The following FRMD4B variants were observed in gnomAD, a reference collection of about 807,000 sequenced individuals.
FRMD4B encodes the protein FERM domain-containing protein 4B.
FRMD4B carries 74 observed loss-of-function variants against 141.5 expected under a neutral mutation model. The observed-to-expected ratio is 0.52, with a 90% CI of 0.43 to 0.63. The LOEUF is 0.63. Ranked by LOEUF, FRMD4B falls within the 30% of genes least tolerant of loss-of-function variation. FRMD4B has a pLI of 0.00. For synonymous variants in FRMD4B, 506 were observed against 467.9 expected (o/e 1.08, Z -1.05); for missense variants, 1,366 against 1,253.4 (o/e 1.09, Z -1.36).
chr3:69,363,227 AG>A (rs1323153464), intron 1 of FRMD4B, among the ~76,000 whole-genome samples: 1 of 146,050 alleles, frequency 6.8e-6, no homozygotes, highest in East Asian at 2.0e-4. Flanking sequence ...TCCAAAAAAA[AG>A]GATCACTTCT....
chr3:69,455,827 CTG>C (rs1475081943), intron 1 of FRMD4B, among the ~76,000 whole-genome samples: 9 of 152,180 alleles, frequency 5.9e-5, no homozygotes, highest in Non-Finnish European at 1.0e-4. Flanking sequence ...CTGGCTCCCA[CTG>C]TGTGAGTCAA....
At chr3:69,477,943 G>A (rs1706031680) in intron 1 of FRMD4B, among the ~76,000 whole-genome samples, 1 of 152,060 alleles carries the variant, frequency 6.6e-6, no homozygotes, top group Non-Finnish European at 1.5e-5. Flanking sequence ...GAGGGTGTAT[G>A]TGTCCAGGAA....
intron 1 of FRMD4B, among the ~76,000 whole-genome samples, chr3:69,526,658 A>G (rs140601041): frequency 6.6e-6 from 1 of 152,216 alleles, no homozygotes; most frequent in East Asian, 1.9e-4. Context: ...GGCCAATTAT[A>G]CCTACCTTGC....
rs2092707723 is a variant in FRMD4B at position 69,181,493 on chromosome 3, T to C, written c.2257A>G (p.Thr753Ala). Residue 753 changes from threonine to alanine, a missense_variant, in exon 21 of 23, where the codon ACC (threonine) becomes GCC (alanine). Transcript: ENST00000398540. ...CTGGTGCGAGTGTCCAGGGTCTGGG[T>C]GGTGTAATAGGGGCCGGTAACTGGT... ...VTPVTGPYYT[T>A]QTLDTRTRGR... 21 of 1,613,630 alleles carry C rather than the reference T, an allele frequency of 1.3e-5. No individual in the cohort carries two copies. The highest frequency in any genetic ancestry group is 3.3e-5 in the Admixed American group (2 of 59,984).
intron 22 of FRMD4B, among the ~76,000 whole-genome samples, chr3:69,172,651 C>A (rs1320877036): frequency 1.3e-5 from 2 of 152,048 alleles, no homozygotes; most frequent in Non-Finnish European, 2.9e-5. Context: ...TATATGATAT[C>A]CCTGGGGTTT....
intron 5 of FRMD4B, among the ~76,000 whole-genome samples, chr3:69,259,394 T>C (rs1575665579): frequency 6.6e-6 from 1 of 152,218 alleles, no homozygotes; most frequent in Non-Finnish European, 1.5e-5. Context: ...TAACAGGCCA[T>C]GGACTGGTAG....
chr3:69,288,218 G>T (rs926308140), intron 4 of FRMD4B, among the ~76,000 whole-genome samples: 1 of 152,234 alleles, frequency 6.6e-6, no homozygotes, highest in Non-Finnish European at 1.5e-5. Context: ...AGCTGAAGTC[G>T]GCTGAGCAAG....
At chr3:69,258,728 C>A (rs2093508033) in intron 5 of FRMD4B, among the ~76,000 whole-genome samples, 1 of 152,140 alleles carries the variant, frequency 6.6e-6, no homozygotes, top group Non-Finnish European at 1.5e-5. Context: ...CTACTAGGTA[C>A]AAATTATGTC....
At chr3:69,354,320 A>G (rs969437099) in intron 1 of FRMD4B, among the ~76,000 whole-genome samples, 1 of 152,228 alleles carries the variant, frequency 6.6e-6, no homozygotes, top group Non-Finnish European at 1.5e-5. Flanking sequence ...CATATAGAAT[A>G]CTGGAAAAAT....
rs548564809 is a variant in FRMD4B, at chr3:69,169,652, T to C, written c.*2209A>G. On this transcript the variant is annotated 3_prime_UTR_variant, in exon 23 of 23. Coordinates refer to ENST00000398540, the MANE Select transcript of FRMD4B (RefSeq NM_015123.3). ...GATTACAGGTGTGAGCCGCTATGCC[T>C]GGCCCTGAGCTTCCATTTCTATACC... 6.6e-5 allele frequency among the ~76,000 whole-genome samples: 10 copies of C among 152,232 alleles called. No homozygotes were observed. Among genetic ancestry groups the C allele is most frequent in the East Asian group, 5.8e-4 (3 of 5,174 alleles).
chr3:69,292,114 T>C (rs565164072), intron 4 of FRMD4B, among the ~76,000 whole-genome samples: 9 of 152,284 alleles, frequency 5.9e-5, no homozygotes, highest in African/African-American at 1.9e-4. Context: ...GTCAATATGA[T>C]ATAATGCTTT....
intron 1 of FRMD4B, among the ~76,000 whole-genome samples, chr3:69,442,916 T>C (rs185956504): frequency 5.3e-5 from 8 of 152,274 alleles, no homozygotes; most frequent in Admixed American, 1.3e-4. Flanking sequence ...GAATAAGAAA[T>C]CTGTTTGTTC....
intron 2 of FRMD4B, among the ~76,000 whole-genome samples, chr3:69,393,813 T>C (rs888598630): frequency 1.3e-5 from 2 of 152,172 alleles, no homozygotes; most frequent in East Asian, 1.9e-4. Flanking sequence ...TCTCACAATA[T>C]ATATTTTCCC....
chr3:69,312,249 G>A (rs1309250277), intron 2 of FRMD4B, among the ~76,000 whole-genome samples: 2 of 152,166 alleles, frequency 1.3e-5, no homozygotes, highest in Admixed American at 6.5e-5. Context: ...TTGCAGGAGG[G>A]CACTCTGGAT....
At chr3:69,406,831 A>G (rs935830230) in intron 2 of FRMD4B, among the ~76,000 whole-genome samples, 2 of 151,996 alleles carry the variant, frequency 1.3e-5, no homozygotes, top group Non-Finnish European at 2.9e-5. Context: ...CTTCTGGCTT[A>G]AGCACTCCTC....
intron 1 of FRMD4B, among the ~76,000 whole-genome samples, chr3:69,460,752 G>A (rs1427546602): frequency 6.6e-6 from 1 of 152,158 alleles, no homozygotes; most frequent in Non-Finnish European, 1.5e-5. Context: ...ACAGCACACA[G>A]CTTCCTGAGC....
At chr3:69,372,639 T>C (rs1703858153) in intron 1 of FRMD4B, among the ~76,000 whole-genome samples, 1 of 152,190 alleles carries the variant, frequency 6.6e-6, no homozygotes, top group African/African-American at 2.4e-5. Flanking sequence ...CTCTCCAGCC[T>C]GGGTAACAGA....
At chr3:69,540,645 A>G (rs1442185474) in intron 1 of FRMD4B, among the ~76,000 whole-genome samples, 3 of 70,938 alleles carry the variant, frequency 4.2e-5, no homozygotes, top group Non-Finnish European at 7.3e-5. Context: ...AAATATATAT[A>G]TATATATATA....
chr3:69,279,181 G>A (rs538775962), intron 5 of FRMD4B, among the ~76,000 whole-genome samples: 115 of 152,268 alleles, frequency 7.6e-4, no homozygotes, highest in African/African-American at 2.6e-3. Flanking sequence ...AGTATTTTAC[G>A]ATAATGCAGC....
Sources: gnomAD v4.1 joint callset for allele counts (sites outside exome capture counted in the v4.1 genomes callset) on GRCh38, gnomAD v4.1.1 for gene constraint, MANE v1.5 for transcripts, NCBI Gene and HGNC (gene_info 2026-07-23, HGNC 2026-07-21) for gene names.